The following A2ML1 variants were observed in gnomAD, a reference collection of about 807,000 sequenced individuals.
The protein encoded by A2ML1 is alpha-2-macroglobulin-like protein 1.
A neutral mutation model predicts 181.9 loss-of-function variants in A2ML1; 161 were observed. That is an observed-to-expected ratio of 0.89 (90% CI 0.78 to 1.01). The LOEUF is 1.01. Among genes scored for constraint, A2ML1 ranks in the 50% least tolerant of loss-of-function variants. The pLI is 0.00. For synonymous variants in A2ML1, 663 were observed against 666.8 expected, an observed-to-expected ratio of 0.99 and a Z score of 0.09; for missense variants, 1,670 against 1,768.1, an observed-to-expected ratio of 0.94 and a Z score of 1.00.
chr12:8,874,090 A>C (rs1944718168), intron 33 of A2ML1, among the ~76,000 whole-genome samples: 1 of 152,000 alleles, frequency 6.6e-6, no homozygotes. Context: ...ATCTCGGCTC[A>C]CTGCAACATC....
intron 32 of A2ML1, among the ~76,000 whole-genome samples, 198 bp downstream of exon 32, chr12:8,868,825 A>G (rs1944522912): frequency 6.6e-6 from 1 of 152,076 alleles, no homozygotes; most frequent in Non-Finnish European, 1.5e-5. Context: ...GCATCCATAT[A>G]CACAGTATGT....
rs780399486 is a variant in A2ML1 at position 8,846,236 on chromosome 12, G to A, written c.1683+14G>A. Reference sequence around the variant, plus strand: ...TTTGACAATCAGGTAAAATGATAGCGGAGAAGGGTGAAGATAAAAGTTGGG... The same window carrying A: ...TTTGACAATCAGGTAAAATGATAGCAGAGAAGGGTGAAGATAAAAGTTGGG... On this transcript the variant is annotated intron_variant, in intron 14 of 35. Transcript: ENST00000299698. 23 of 1,613,386 alleles carry A rather than the reference G, an allele frequency of 1.4e-5. No homozygotes were observed. In the South Asian group the frequency reaches 1.5e-4, roughly 11 times the overall value.
chr12:8,868,714 C>A (rs1944516664), intron 32 of A2ML1, 87 bp downstream of exon 32: 1 of 915,930 alleles, frequency 1.1e-6, no homozygotes, highest in East Asian at 2.5e-5. Flanking sequence ...GGCATCATGG[C>A]GTGTATACAC....
chr12:8,848,820 T>C lies in A2ML1; in HGVS notation c.1934T>C (p.Leu645Pro), dbSNP rs1943790437. Residue 645 changes from leucine to proline, a missense_variant, in exon 16 of 36, where the codon CTC (leucine) becomes CCC (proline). Coordinates refer to ENST00000299698, the MANE Select transcript of A2ML1 (RefSeq NM_144670.6). ...GGCCCATGGGACTTTCCTCAGCCCC[T>C]CATTGACCCAATGCCCCAAGGGCAT... is the stretch of plus-strand genomic sequence containing the variant. ...VSGPWDFPQPLIDPMPQGHSS... is the reference protein window; with the variant it reads ...VSGPWDFPQPPIDPMPQGHSS... 6.2e-7 allele frequency: 1 copy of C among 1,614,014 alleles called. No homozygotes were observed. The highest frequency in any genetic ancestry group is 8.5e-7 in the Non-Finnish European group (1 of 1,180,020).
intron 10 of A2ML1, among the ~76,000 whole-genome samples, chr12:8,841,020 AAGGAAG>A (rs1565471208): frequency 2.8e-4 from 18 of 63,360 alleles, no homozygotes; most frequent in African/African-American, 6.8e-4. Flanking sequence ...GGACGGAAGG[AAGGAAG>A]GAAGGAAGGA....
chr12:8,857,811 T>C (rs1944121403), intron 25 of A2ML1, 135 bp from the exon 26 acceptor site: 2 of 1,328,352 alleles, frequency 1.5e-6, no homozygotes, highest in South Asian at 2.7e-5. Flanking sequence ...TTAATGCCTC[T>C]CTTTTCTAGG....
intron 32 of A2ML1, 107 bp downstream of exon 32, chr12:8,868,734 C>T (rs1565493659): frequency 1.2e-6 from 1 of 818,744 alleles, no homozygotes; most frequent in Admixed American, 2.6e-5. Context: ...CACACACACA[C>T]AAGGCATGTA....
downstream of A2ML1, among the ~76,000 whole-genome samples, chr12:8,878,652 ATATG>A (rs1944838535): frequency 6.6e-6 from 1 of 152,172 alleles, no homozygotes; most frequent in Admixed American, 6.5e-5. The surrounding 1 kb of genome is among the most constrained non-coding windows in gnomAD (Gnocchi z 4.4). Flanking sequence ...CTAAACCTGC[ATATG>A]TATCTCCTGA....
chr12:8,822,952 C>T (rs1471164657), intron 1 of A2ML1, among the ~76,000 whole-genome samples: 1 of 152,112 alleles, frequency 6.6e-6, no homozygotes, highest in African/African-American at 2.4e-5. Context: ...GCCTAATTTC[C>T]TCCTTGGTGC....
chr12:8,847,245 TAAA>T lies in A2ML1; in HGVS notation c.1684-287_1684-285del, dbSNP rs569093906. Among the ~76,000 whole-genome samples the T allele has an allele frequency of 0.21, 25,041 of 121,678 alleles. 2,812 individuals carry two copies. Among genetic ancestry groups the T allele is most frequent in the African/African-American group, 0.32 (10,547 of 33,472 alleles). 79.8% of individuals were successfully genotyped at this position (121,678 alleles called of 152,430 possible). A position where few individuals can be genotyped will look rare whatever the true frequency, so the allele number is the denominator to read the frequency against. On this transcript the variant is annotated intron_variant, in intron 14 of 35. Transcript: ENST00000299698. ...ATTACAGGCATGACCCTGTCTCTAT[TAAA>T]AAAAAAAAAAAAAAAAGCCATACTG...
intron 7 of A2ML1, 129 bp from the exon 8 acceptor site, chr12:8,837,311 C>T (rs750933840): frequency 7.9e-7 from 1 of 1,272,910 alleles, no homozygotes; most frequent in African/African-American, 1.5e-5. Flanking sequence ...TGAGCCACTG[C>T]ACTGGCCCAG....
intron 33 of A2ML1, 101 bp from the exon 34 acceptor site, chr12:8,874,324 G>A (rs968353251): frequency 1.1e-5 from 11 of 978,430 alleles, no homozygotes; most frequent in Non-Finnish European, 1.7e-5. Context: ...CGGGGCTTCA[G>A]AAAATCTACA....
In A2ML1 at chr12:8,852,063, C is replaced by T. The variant is rs1323250435; in HGVS notation, c.2463+51C>T. 6.3e-7 allele frequency: 1 copy of T among 1,593,682 alleles called. No homozygotes were observed. Among genetic ancestry groups the T allele is most frequent in the Non-Finnish European group, 8.6e-7 (1 of 1,163,746 alleles). On this transcript the variant is annotated intron_variant, in intron 19 of 35. Transcript: ENST00000299698. This position sits in a 1 kb window ranked among gnomAD's most constrained non-coding sequence, Gnocchi z 4.2. Reference sequence around the variant, plus strand: ...GGTGTCAGCCCTGGAATCACACCTCCCCCATAAGTTTGTCTCTAAATTGGA... The same window carrying T: ...GGTGTCAGCCCTGGAATCACACCTCTCCCATAAGTTTGTCTCTAAATTGGA...
At chr12:8,857,391 A>G (rs371525262) in intron 24 of A2ML1, 51 bp downstream of exon 24, 30 of 1,584,682 alleles carry the variant, frequency 1.9e-5, no homozygotes, top group Non-Finnish European at 2.3e-5. Flanking sequence ...ACTAGGCCCT[A>G]TGACAGATTG....
chr12:8,860,146 A>G (rs1944205277), intron 26 of A2ML1, among the ~76,000 whole-genome samples: 1 of 151,896 alleles, frequency 6.6e-6, no homozygotes, highest in Admixed American at 6.6e-5. Flanking sequence ...GGCTCAGATG[A>G]TCCTCCTACT....
At chr12:8,872,336 G>T (rs1049021233) in intron 33 of A2ML1, among the ~76,000 whole-genome samples, 2 of 151,936 alleles carry the variant, frequency 1.3e-5, no homozygotes, top group Admixed American at 1.3e-4. Context: ...ATTTACTGAG[G>T]ACCTCAAACA....
chr12:8,841,668 G>A (rs529354463), intron 11 of A2ML1, 132 bp downstream of exon 11: 185 of 939,502 alleles, frequency 2.0e-4, no homozygotes, highest in African/African-American at 2.9e-4. Flanking sequence ...CTGCTCTCCC[G>A]TTGACAAAAA....
chr12:8,876,766 T>A lies in A2ML1; in HGVS notation c.*710T>A, dbSNP rs1944811066. ...GGGCTTTGGAAATTGGCTAAAAAAA[T>A]AAAAATGGAAAAGAAAATCTGTGCA... On this transcript the variant is annotated 3_prime_UTR_variant, in exon 36 of 36. Coordinates refer to ENST00000299698, the MANE Select transcript of A2ML1 (RefSeq NM_144670.6). 1 of 152,108 alleles carries A rather than the reference T, an allele frequency of 6.6e-6. No homozygotes were observed. The highest frequency in any genetic ancestry group is 1.5e-5 in the Non-Finnish European group (1 of 68,016). The allele number at this position is 152,108 out of a possible 1,614,324, so 9.4% of individuals were successfully genotyped here. A position where few individuals can be genotyped will look rare whatever the true frequency, so the allele number is the denominator to read the frequency against.
At position 8,852,236 on chromosome 12, in the gene A2ML1, T is replaced by C. The variant is rs1357097547; in HGVS notation, c.2490T>C (p.His830=). Residue 830 remains histidine, a synonymous_variant, in exon 20 of 36, where the codon CAT becomes CAC. Coordinates refer to ENST00000299698, the MANE Select transcript of A2ML1 (RefSeq NM_144670.6). This position sits in a 1 kb window ranked among gnomAD's most constrained non-coding sequence, Gnocchi z 4.2. ...IRVQTDLAKS[H]EYQLESWADS... is the part of the protein sequence containing the mutation. ...TTCAGACTGACCTGGCTAAATCGCATGAGTACCAGCTAGAATCATGGGCAG... is the reference window on the plus strand; with the variant it reads ...TTCAGACTGACCTGGCTAAATCGCACGAGTACCAGCTAGAATCATGGGCAG... 2 of 1,614,032 alleles carry C rather than the reference T, an allele frequency of 1.2e-6. No individual in the cohort carries two copies. Among genetic ancestry groups the C allele is most frequent in the Admixed American group, 3.3e-5 (2 of 59,996 alleles).
Sources: allele counts gnomAD v4.1 joint callset (sites outside exome capture counted in the v4.1 genomes callset), GRCh38; gene constraint gnomAD v4.1.1; non-coding constraint Gnocchi (gnomAD v3.1); transcripts MANE v1.5; gene names NCBI Gene and HGNC (gene_info 2026-07-23, HGNC 2026-07-21).